BMPR1A: variants seen among roughly 807,000 people sequenced by gnomAD.
BMPR1A encodes bone morphogenetic protein receptor type 1A.
In BMPR1A, 7 loss-of-function variants were observed where a neutral mutation model predicts 66.0. The ratio of observed to expected loss-of-function variants is 0.11; its 90% CI spans 0.06 to 0.20. The LOEUF (loss-of-function observed/expected upper bound fraction) is 0.20, where lower values mean the gene tolerates loss of function less well. BMPR1A is among the 10% of genes least tolerant of loss of function. BMPR1A has a pLI of 1.00. For missense variants in BMPR1A, 408 were observed against 669.1 expected, an observed-to-expected ratio of 0.61 and a Z score of 4.31; for synonymous variants, 200 against 229.7, an observed-to-expected ratio of 0.87 and a Z score of 1.17.
At chr10:86,890,411 A>G (rs1843131845) in intron 4 of BMPR1A, among the ~76,000 whole-genome samples, 187 bp downstream of exon 4, 1 of 152,052 alleles carries the variant, frequency 6.6e-6, no homozygotes, top group Non-Finnish European at 1.5e-5. Context: ...TAGGTGAGTT[A>G]CTATATTAGA....
chr10:86,759,053 A>G (rs1054003615), intron 1 of BMPR1A, among the ~76,000 whole-genome samples: 2 of 152,250 alleles, frequency 1.3e-5, no homozygotes, highest in African/African-American at 4.8e-5. Context: ...ATTAAGGTGC[A>G]GAATATTATA....
chr10:86,851,052 A>G (rs1162691076), intron 2 of BMPR1A, among the ~76,000 whole-genome samples: 1 of 152,210 alleles, frequency 6.6e-6, no homozygotes, highest in Non-Finnish European at 1.5e-5. Flanking sequence ...ATATTTTGGA[A>G]AGAAGAGGTT....
chr10:86,855,675 C>A, intron 2 of BMPR1A: 1 of 704,920 alleles, frequency 1.4e-6, no homozygotes, highest in South Asian at 1.7e-5. Flanking sequence ...TTGCAATTGC[C>A]TAACTGCTCA....
At chr10:86,883,070 C>T (rs1295690326) in intron 3 of BMPR1A, among the ~76,000 whole-genome samples, 3 of 152,196 alleles carry the variant, frequency 2.0e-5, no homozygotes, top group Non-Finnish European at 4.4e-5. Flanking sequence ...ATGAACTTGT[C>T]ACTCAGTTTT....
chr10:86,802,693 T>G (rs182189451), intron 1 of BMPR1A, among the ~76,000 whole-genome samples: 1 of 152,072 alleles, frequency 6.6e-6, no homozygotes, highest in East Asian at 1.9e-4. Flanking sequence ...TTAGCTTTAA[T>G]CAGTTTAGGA....
chr10:86,838,116 C>G (rs1842377487), intron 1 of BMPR1A, among the ~76,000 whole-genome samples: 1 of 152,132 alleles, frequency 6.6e-6, no homozygotes, highest in Non-Finnish European at 1.5e-5. Context: ...AAGTAAACAG[C>G]AGACATACCT....
At chr10:86,853,201 C>T (rs1842595376) in intron 2 of BMPR1A, among the ~76,000 whole-genome samples, 1 of 151,818 alleles carries the variant, frequency 6.6e-6, no homozygotes, top group East Asian at 1.9e-4. Flanking sequence ...CTGGATATTT[C>T]TGTAACTGTT....
chr10:86,911,434 T>A lies in BMPR1A; in HGVS notation c.531-806T>A, dbSNP rs539195789. Among the ~76,000 whole-genome samples, 14 of 152,186 alleles carry A rather than the reference T, an allele frequency of 9.2e-5. No homozygotes were observed. The South Asian group carries it at 2.7e-3, about 29-fold the overall frequency. Reference sequence around the variant, plus strand: ...GAGAAGAGTTCAGGGAACACTTCAATTGAATAATGTGCAATAAACACAAAT... The same window carrying A: ...GAGAAGAGTTCAGGGAACACTTCAAATGAATAATGTGCAATAAACACAAAT... On this transcript the variant is annotated intron_variant, in intron 7 of 12. Transcript: ENST00000372037.
intron 2 of BMPR1A, among the ~76,000 whole-genome samples, chr10:86,856,820 C>A (rs578195955): frequency 1.5e-3 from 222 of 152,260 alleles, no homozygotes; most frequent in Non-Finnish European, 2.7e-3. Flanking sequence ...GATTAACTGG[C>A]TGCAAATCTG....
chr10:86,799,877 A>G (rs1292954038), intron 1 of BMPR1A, among the ~76,000 whole-genome samples: 2 of 152,202 alleles, frequency 1.3e-5, no homozygotes, highest in Non-Finnish European at 2.9e-5. Context: ...AAATGCAAAT[A>G]TAGTAAATTA....
intron 1 of BMPR1A, among the ~76,000 whole-genome samples, chr10:86,826,485 A>T (rs930803945): frequency 6.6e-6 from 1 of 151,610 alleles, no homozygotes; most frequent in Non-Finnish European, 1.5e-5. Context: ...TTACTTTAGG[A>T]TAAGCCACTA....
intron 3 of BMPR1A, among the ~76,000 whole-genome samples, chr10:86,887,380 C>T (rs1399672645): frequency 6.6e-6 from 1 of 152,062 alleles, no homozygotes; most frequent in African/African-American, 2.4e-5. Context: ...AAATAGTATT[C>T]TAGGAAGTTT....
At chr10:86,773,838 C>T (rs766013407) in intron 1 of BMPR1A, among the ~76,000 whole-genome samples, 4 of 150,174 alleles carry the variant, frequency 2.7e-5, no homozygotes, top group Non-Finnish European at 5.9e-5. Context: ...TTTAGCTGTA[C>T]AGCATGTATT....
intron 1 of BMPR1A, among the ~76,000 whole-genome samples, chr10:86,781,315 A>C (rs1196080280): frequency 7.2e-5 from 11 of 152,018 alleles, no homozygotes; most frequent in Non-Finnish European, 1.2e-4. Flanking sequence ...TGTTTTTGGC[A>C]CTTTTGTGAG....
At chr10:86,805,301 C>G (rs1051455953) in intron 1 of BMPR1A, among the ~76,000 whole-genome samples, 4 of 151,724 alleles carry the variant, frequency 2.6e-5, no homozygotes, top group Non-Finnish European at 5.9e-5. Context: ...AATCTTCATA[C>G]CCACATTCAC....
At chr10:86,909,788 T>A (rs1843450190) in intron 7 of BMPR1A, among the ~76,000 whole-genome samples, 1 of 152,038 alleles carries the variant, frequency 6.6e-6, no homozygotes, top group East Asian at 1.9e-4. Context: ...AATTAAATAT[T>A]AAGTTCTATA....
intron 2 of BMPR1A, among the ~76,000 whole-genome samples, chr10:86,850,086 C>T (rs1465603280): frequency 2.6e-5 from 4 of 151,970 alleles, no homozygotes; most frequent in African/African-American, 9.7e-5. Context: ...TTTGGAAGGC[C>T]GAGGTGGGTG....
intron 5 of BMPR1A, among the ~76,000 whole-genome samples, chr10:86,892,889 T>C (rs1032975441): frequency 6.6e-6 from 1 of 152,004 alleles, no homozygotes; most frequent in Non-Finnish European, 1.5e-5. Flanking sequence ...AAATTCTTTT[T>C]TCTTTTTTTA....
At chr10:86,815,684 C>A (rs1842027946) in intron 1 of BMPR1A, among the ~76,000 whole-genome samples, 1 of 152,132 alleles carries the variant, frequency 6.6e-6, no homozygotes, top group Non-Finnish European at 1.5e-5. Flanking sequence ...ATAGCGATAC[C>A]CTGGAATCTA....
Sources: gnomAD v4.1 joint callset for allele counts (sites outside exome capture counted in the v4.1 genomes callset) on GRCh38, gnomAD v4.1.1 for gene constraint, MANE v1.5 for transcripts, NCBI Gene and HGNC (gene_info 2026-07-23, HGNC 2026-07-21) for gene names.